The following INO80D variants were observed in gnomAD, a reference collection of about 807,000 sequenced individuals.
INO80D encodes the protein INO80 complex subunit D.
In INO80D, 21 loss-of-function variants were observed where a neutral mutation model predicts 87.6. That is an observed-to-expected ratio of 0.24 (90% CI 0.17 to 0.35). The LOEUF is 0.35. Ranked by LOEUF, INO80D falls within the 10% of genes least tolerant of loss-of-function variation. The pLI, the probability that INO80D is intolerant of heterozygous loss-of-function variation, is 1.00. For missense variants in INO80D, 982 were observed against 1,280.7 expected, an observed-to-expected ratio of 0.77 and a Z score of 3.56; for synonymous variants, 440 against 491.0, an observed-to-expected ratio of 0.90 and a Z score of 1.37.
At chr2:206,014,491 G>C (rs1442238588) in intron 8 of INO80D, among the ~76,000 whole-genome samples, 2 of 152,166 alleles carry the variant, frequency 1.3e-5, no homozygotes. Context: ...TCACAGATCT[G>C]ATGGCTTTAA....
chr2:206,009,543 T>C, intron 9 of INO80D, 34 bp downstream of exon 9: 1 of 1,544,392 alleles, frequency 6.5e-7, no homozygotes, highest in Non-Finnish European at 8.8e-7. Flanking sequence ...TCCCAAAATG[T>C]AAAGAAAAAT....
chr2:206,014,321 G>C (rs1688262182), intron 8 of INO80D, among the ~76,000 whole-genome samples: 2 of 152,272 alleles, frequency 1.3e-5, no homozygotes, highest in South Asian at 4.1e-4. Flanking sequence ...ACAAGTTCTT[G>C]GTGAAGAAGC....
rs1687812092 is a variant in INO80D, at chr2:205,996,531, C to A, written c.*7837G>T. 1.3e-5 allele frequency: 2 copies of A among 151,894 alleles called. No homozygotes were observed. 9.4% of individuals were successfully genotyped at this position (151,894 alleles called of 1,614,324 possible). Reference sequence around the variant, plus strand: ...CACCTCCTCTGGCTTACAGAATAATCCAGAACTTTCCATAGACATTAATCT... The same window carrying A: ...CACCTCCTCTGGCTTACAGAATAATACAGAACTTTCCATAGACATTAATCT... On this transcript the variant is annotated 3_prime_UTR_variant, in exon 11 of 11. Transcript: ENST00000403263.
At chr2:206,084,749 G>A (rs570939000) in intron 1 of INO80D, 1 of 152,450 alleles carries the variant, frequency 6.6e-6, no homozygotes. Context: ...ATGAAAGGGG[G>A]TGGGTACTCA....
chr2:206,075,830 G>C (rs1370659755), intron 1 of INO80D, among the ~76,000 whole-genome samples: 1 of 151,220 alleles, frequency 6.6e-6, no homozygotes, highest in Non-Finnish European at 1.5e-5. Context: ...GAGGCAGGCG[G>C]ATCACTTGAG....
intron 8 of INO80D, among the ~76,000 whole-genome samples, chr2:206,012,822 T>C (rs967604735): frequency 6.8e-6 from 1 of 147,278 alleles, no homozygotes; most frequent in African/African-American, 2.5e-5. Context: ...TGAGCCGAGA[T>C]TGCACCACTG....
In INO80D at chr2:206,071,252, C is replaced by T. The variant is rs1575883349; in HGVS notation, c.-123-8008G>A. On this transcript the variant is annotated intron_variant, in intron 1 of 10. Coordinates refer to ENST00000403263, the MANE Select transcript of INO80D (RefSeq NM_017759.5). ...GGGATTACAGGCATAAGCACCACGC[C>T]CGGCCTTTTTTTTTTTTTTTTTTTT... is the stretch of plus-strand genomic sequence containing the variant. Among the ~76,000 whole-genome samples the T allele has an allele frequency of 4.3e-5, 5 of 115,746 alleles. 1 individual carries two copies. The South Asian group carries it at 1.5e-3, about 35-fold the overall frequency. 75.9% of individuals were successfully genotyped at this position (115,746 alleles called of 152,430 possible).
intron 3 of INO80D, among the ~76,000 whole-genome samples, chr2:206,057,554 T>C (rs908973776): frequency 5.9e-5 from 9 of 152,142 alleles, no homozygotes; most frequent in African/African-American, 9.7e-5. Flanking sequence ...CTACCTGCAG[T>C]AGGCGCTAAA....
intron 6 of INO80D, among the ~76,000 whole-genome samples, chr2:206,022,291 C>T (rs1379561508): frequency 6.6e-6 from 1 of 151,578 alleles, no homozygotes; most frequent in East Asian, 1.9e-4. Flanking sequence ...CACTTGAACC[C>T]AGGAGGTGGA....
Position 206,004,654 on chromosome 2 carries a change from G to A in INO80D, c.2798C>T (p.Ala933Val). 1.2e-6 allele frequency: 2 copies of A among 1,613,868 alleles called. No homozygotes were observed. Among genetic ancestry groups the A allele is most frequent in the Non-Finnish European group, 1.7e-6 (2 of 1,179,820 alleles). ...TTSNSETTQP[A>V]FATVTPSSSS... Reference sequence around the variant, plus strand: ...GCTGCTGGGGGTCACGGTGGCGAAGGCAGGCTGTGTGGTCTCTGAGTTCGA... The same window carrying A: ...GCTGCTGGGGGTCACGGTGGCGAAGACAGGCTGTGTGGTCTCTGAGTTCGA... The change falls in exon 11 of 11, where the codon GCC becomes GTC. Residue 933 changes from alanine to valine, a missense_variant. Physicochemically the swap from Ala to Val is moderately conservative, Grantham distance 64. Coordinates refer to ENST00000403263, the MANE Select transcript of INO80D (RefSeq NM_017759.5). The surrounding 1 kb of genome is among the most constrained non-coding windows in gnomAD (Gnocchi z 4.9).
At chr2:206,019,942 T>A in intron 6 of INO80D, 97 bp from the exon 7 acceptor site, 1 of 760,394 alleles carries the variant, frequency 1.3e-6, no homozygotes, top group Non-Finnish European at 2.2e-6. Context: ...ACACTCTCAT[T>A]ATAATATATA....
chr2:206,010,083 A>ACACACACACACACACACACACACG (rs142314785), intron 8 of INO80D, among the ~76,000 whole-genome samples: 74 of 151,278 alleles, frequency 4.9e-4, no homozygotes, highest in African/African-American at 1.7e-3. Flanking sequence ...ACACACACAC[A>ACACACACACACACACACACACACG]CACGCACACA....
At chr2:206,032,340 G>C (rs956250066) in intron 5 of INO80D, among the ~76,000 whole-genome samples, 3 of 152,196 alleles carry the variant, frequency 2.0e-5, no homozygotes, top group Non-Finnish European at 2.9e-5. Flanking sequence ...GGGGCTATTA[G>C]GTGGGGCATG....
At chr2:206,081,672 A>C (rs141195205) in intron 1 of INO80D, among the ~76,000 whole-genome samples, 4,166 of 151,636 alleles carry the variant, frequency 0.027, 84 homozygotes, top group South Asian at 0.043. Flanking sequence ...TGGGAGGATC[A>C]CTGGAGCCCA....
In INO80D at chr2:206,005,478, G is replaced by A. The variant is rs1161001611; in HGVS notation, c.1974C>T (p.Ala658=). 6.2e-7 allele frequency: 1 copy of A among 1,613,864 alleles called. No homozygotes were observed. The highest frequency in any genetic ancestry group is 8.5e-7 in the Non-Finnish European group (1 of 1,179,886). The change falls in exon 11 of 11, where the codon GCC becomes GCT. Residue 658 remains alanine (A), a synonymous_variant. Coordinates refer to ENST00000403263, the MANE Select transcript of INO80D (RefSeq NM_017759.5). ...TTEEAEELER[A]LQAVTSLECL... ...ACTCGAGAGAAGTTACAGCCTGCAA[G>A]GCCCGTTCAAGCTCCTCAGCCTCTT... is the stretch of plus-strand genomic sequence containing the variant.
intron 6 of INO80D, among the ~76,000 whole-genome samples, chr2:206,027,898 G>T (rs540502422): frequency 3.3e-5 from 5 of 152,066 alleles, no homozygotes; most frequent in African/African-American, 1.2e-4. Flanking sequence ...TCAAACTTCA[G>T]CAAAATTTTA....
At chr2:206,050,306 T>C (rs903889616) in intron 4 of INO80D, among the ~76,000 whole-genome samples, 5 of 150,424 alleles carry the variant, frequency 3.3e-5, no homozygotes, top group Admixed American at 3.3e-4. Flanking sequence ...GCCTGGCCAA[T>C]ATACTGAAAC....
At chr2:206,022,061 C>T (rs1045889470) in intron 6 of INO80D, among the ~76,000 whole-genome samples, 1 of 151,842 alleles carries the variant, frequency 6.6e-6, no homozygotes, top group Non-Finnish European at 1.5e-5. Context: ...TTCAATAACC[C>T]CATGGACAAA....
intron 1 of INO80D, among the ~76,000 whole-genome samples, chr2:206,079,707 CAAGT>C (rs1328346178): frequency 6.6e-6 from 1 of 152,140 alleles, no homozygotes; most frequent in Admixed American, 6.5e-5. Context: ...CTCTAAATCT[CAAGT>C]AATTTATGTG....
Sources: allele counts gnomAD v4.1 joint callset (sites outside exome capture counted in the v4.1 genomes callset), GRCh38; gene constraint gnomAD v4.1.1; non-coding constraint Gnocchi (gnomAD v3.1); transcripts MANE v1.5; gene names NCBI Gene and HGNC (gene_info 2026-07-23, HGNC 2026-07-21).